The following UNC5D variants were observed in gnomAD, a reference collection of about 807,000 sequenced individuals.
UNC5D encodes the protein unc-5 netrin receptor D, also known as netrin receptor UNC5D.
Under a neutral mutation model 105.4 loss-of-function variants are expected in UNC5D, and 39 were observed. The ratio of observed to expected loss-of-function variants is 0.37; its 90% CI spans 0.29 to 0.48. The LOEUF (loss-of-function observed/expected upper bound fraction) is 0.48. UNC5D is among the 20% of genes least tolerant of loss of function. The pLI, the probability that UNC5D is intolerant of heterozygous loss-of-function variation, is 0.98. For missense variants in UNC5D, 991 were observed against 1,202.4 expected (o/e 0.82, Z 2.60); for synonymous variants, 452 against 450.4 (o/e 1.00, Z -0.04).
chr8:35,741,297 T>C (rs907716274), intron 11 of UNC5D, among the ~76,000 whole-genome samples: 6 of 152,170 alleles, frequency 3.9e-5, no homozygotes, highest in Non-Finnish European at 8.8e-5. Flanking sequence ...ATTCAGATAC[T>C]CATTCCAGTG....
intron 1 of UNC5D, among the ~76,000 whole-genome samples, chr8:35,309,293 T>C (rs1585552466): frequency 6.6e-6 from 1 of 152,292 alleles, no homozygotes; most frequent in South Asian, 2.1e-4. Flanking sequence ...CTGCAGTGAT[T>C]TCTAGCCCTA....
At chr8:35,708,076 C>T (rs1192413944) in intron 8 of UNC5D, among the ~76,000 whole-genome samples, 1 of 152,054 alleles carries the variant, frequency 6.6e-6, no homozygotes, top group Non-Finnish European at 1.5e-5. Flanking sequence ...ATCACTAATG[C>T]AAAATCAAAG....
chr8:35,433,696 A>G (rs1196069813), intron 1 of UNC5D, among the ~76,000 whole-genome samples: 1 of 151,986 alleles, frequency 6.6e-6, no homozygotes, highest in Non-Finnish European at 1.5e-5. Flanking sequence ...TAAAGAAAAT[A>G]CTATTGGCCA....
At chr8:35,427,918 G>A (rs770174282) in intron 1 of UNC5D, among the ~76,000 whole-genome samples, 18 of 152,180 alleles carry the variant, frequency 1.2e-4, no homozygotes, top group Non-Finnish European at 2.5e-4. Flanking sequence ...AAAACTCACT[G>A]ATGCAGTAGG....
chr8:35,509,249 G>A (rs1205193027), intron 1 of UNC5D, among the ~76,000 whole-genome samples: 1 of 151,860 alleles, frequency 6.6e-6, no homozygotes, highest in Non-Finnish European at 1.5e-5. Context: ...GGAATAGCAC[G>A]AGTTATTCAT....
chr8:35,755,034 C>T (rs1209127714), intron 13 of UNC5D, among the ~76,000 whole-genome samples: 4 of 152,078 alleles, frequency 2.6e-5, no homozygotes, highest in Non-Finnish European at 5.9e-5. Flanking sequence ...TTAGGGCTGC[C>T]ATTTTATGCT....
intron 1 of UNC5D, among the ~76,000 whole-genome samples, chr8:35,540,748 T>C (rs1480455177): frequency 6.6e-6 from 1 of 152,094 alleles, no homozygotes; most frequent in Admixed American, 6.6e-5. Context: ...GAGAGGCCAG[T>C]TTTGGAGACA....
intron 1 of UNC5D, among the ~76,000 whole-genome samples, chr8:35,392,615 A>G (rs1364867494): frequency 6.6e-6 from 1 of 152,188 alleles, no homozygotes; most frequent in Non-Finnish European, 1.5e-5. Context: ...CCTTGTGATT[A>G]TATTGGCACA....
At chr8:35,496,982 A>G (rs912238220) in intron 1 of UNC5D, among the ~76,000 whole-genome samples, 1 of 152,200 alleles carries the variant, frequency 6.6e-6, no homozygotes, top group Non-Finnish European at 1.5e-5. Flanking sequence ...TGAGGCCCCT[A>G]TAACAAAGAT....
intron 1 of UNC5D, among the ~76,000 whole-genome samples, chr8:35,426,731 A>G (rs960117865): frequency 6.6e-6 from 1 of 152,136 alleles, no homozygotes; most frequent in African/African-American, 2.4e-5. Context: ...GCCCCTTTTC[A>G]ATGTTAGAAA....
chr8:35,396,115 C>A (rs906680263), intron 1 of UNC5D, among the ~76,000 whole-genome samples: 2 of 152,138 alleles, frequency 1.3e-5, no homozygotes, highest in Non-Finnish European at 2.9e-5. Flanking sequence ...ATTTATCTCA[C>A]ATTGCTCAGC....
chr8:35,244,274 C>T (rs993676576), intron 1 of UNC5D, among the ~76,000 whole-genome samples: 1 of 152,164 alleles, frequency 6.6e-6, no homozygotes, highest in Non-Finnish European at 1.5e-5. Context: ...TTCATGGTTT[C>T]AGGGCCTTTT....
intron 11 of UNC5D, among the ~76,000 whole-genome samples, chr8:35,740,902 T>C (rs573737193): frequency 6.6e-6 from 1 of 152,222 alleles, no homozygotes; most frequent in South Asian, 2.1e-4. Flanking sequence ...GTGAAATAGG[T>C]TTCAGATTAC....
intron 4 of UNC5D, among the ~76,000 whole-genome samples, chr8:35,604,750 T>C (rs1423261842): frequency 1.3e-5 from 2 of 152,180 alleles, no homozygotes; most frequent in Non-Finnish European, 2.9e-5. Flanking sequence ...TTTCTTTTTA[T>C]TCTTTTTTCT....
chr8:35,664,731 A>G (rs1311398586), intron 4 of UNC5D, among the ~76,000 whole-genome samples: 1 of 152,168 alleles, frequency 6.6e-6, no homozygotes, highest in Non-Finnish European at 1.5e-5. Flanking sequence ...GACTTGTATG[A>G]AAAGGCATTT....
At chr8:35,660,364 A>G (rs1204184244) in intron 4 of UNC5D, among the ~76,000 whole-genome samples, 3 of 151,998 alleles carry the variant, frequency 2.0e-5, no homozygotes, top group African/African-American at 7.3e-5. Context: ...CTTCGCAGCT[A>G]TTTTCTTCCT....
rs954206363 is a variant in UNC5D at position 35,467,110 on chromosome 8, G to A, written c.104-82182G>A. 7.9e-5 allele frequency among the ~76,000 whole-genome samples: 12 copies of A among 152,246 alleles called. No homozygotes were observed. The East Asian group carries it at 1.5e-3, about 20-fold the overall frequency. On this transcript the variant is annotated intron_variant, in intron 1 of 16. Coordinates refer to ENST00000404895, the MANE Select transcript of UNC5D (RefSeq NM_080872.4). ...GAAAACATTTGTGATACCTTGTGACGCTTTCTCAGACAAGCAGGTTTTGAG... is the reference window on the plus strand; with the variant it reads ...GAAAACATTTGTGATACCTTGTGACACTTTCTCAGACAAGCAGGTTTTGAG...
In UNC5D at chr8:35,512,537, A is replaced by ATG. The variant is rs36046115; in HGVS notation, c.104-36753_104-36752dup. ...GCATAGATTATATATTCAGATATGT[A>ATG]TGTATATATATATATATATATATAT... On this transcript the variant is annotated intron_variant, in intron 1 of 16. Coordinates refer to ENST00000404895, the MANE Select transcript of UNC5D (RefSeq NM_080872.4). Among the ~76,000 whole-genome samples the ATG allele has an allele frequency of 3.7e-3, 233 of 62,278 alleles. 13 individuals carry two copies. The highest frequency in any genetic ancestry group is 0.02 in the African/African-American group (178 of 8,762). The allele number at this position is 62,278 out of a possible 152,430, so 40.9% of individuals were successfully genotyped here.
chr8:35,413,361 T>G (rs906460459), intron 1 of UNC5D, among the ~76,000 whole-genome samples: 1 of 150,416 alleles, frequency 6.6e-6, no homozygotes, highest in Non-Finnish European at 1.5e-5. Flanking sequence ...ATCTGGAGAT[T>G]AGGGTTTTTA....
Sources: allele counts gnomAD v4.1 joint callset (sites outside exome capture counted in the v4.1 genomes callset), GRCh38; gene constraint gnomAD v4.1.1; transcripts MANE v1.5; gene names NCBI Gene and HGNC (gene_info 2026-07-23, HGNC 2026-07-21).